The following SETBP1 variants were observed in gnomAD, a reference collection of about 807,000 sequenced individuals.
The protein encoded by SETBP1 is SET-binding protein.
Under a neutral mutation model 101.0 loss-of-function variants are expected in SETBP1, and 9 were observed. That is an observed-to-expected ratio of 0.09 (90% confidence interval 0.05 to 0.16). The LOEUF (loss-of-function observed/expected upper bound fraction) is 0.16, where lower values mean the gene tolerates loss of function less well. Among genes scored for constraint, SETBP1 ranks in the 10% least tolerant of loss-of-function variants. SETBP1 has a pLI of 1.00. For synonymous variants in SETBP1, 818 were observed against 788.5 expected (o/e 1.04, Z -0.63); for missense variants, 1,858 against 2,033.8 (o/e 0.91, Z 1.66).
rs374732311 is a variant in SETBP1 at position 44,829,272 on chromosome 18, G to A, written c.487-39958G>A. 9.0e-4 allele frequency among the ~76,000 whole-genome samples: 137 copies of A among 152,248 alleles called. 2 individuals are homozygous for A. In the South Asian group the frequency reaches 0.014, roughly 16 times the overall value. ...ACCTTCTTGTTTCTCAAGATTGCAA[G>A]CTCAGAACATCGTATACATGTTACT... On this transcript the variant is annotated intron_variant, in intron 2 of 5. Coordinates refer to ENST00000649279, the MANE Select transcript of SETBP1 (RefSeq NM_015559.3).
intron 2 of SETBP1, among the ~76,000 whole-genome samples, chr18:44,857,770 C>T (rs1365180530): frequency 1.3e-5 from 2 of 152,064 alleles, no homozygotes; most frequent in East Asian, 1.9e-4. Context: ...GTCAAGCATA[C>T]GTGTGAGTTC....
intron 2 of SETBP1, among the ~76,000 whole-genome samples, chr18:44,843,036 G>A (rs1331596852): frequency 6.6e-6 from 1 of 152,258 alleles, no homozygotes; most frequent in Non-Finnish European, 1.5e-5. Flanking sequence ...TAGCAGCCAG[G>A]CCGCTCAGCC....
intron 2 of SETBP1, among the ~76,000 whole-genome samples, chr18:44,763,907 C>T (rs879814498): frequency 6.6e-6 from 1 of 152,166 alleles, no homozygotes; most frequent in Non-Finnish European, 1.5e-5. Context: ...GCTCAGTTCT[C>T]CACCCTCTTC....
intron 2 of SETBP1, among the ~76,000 whole-genome samples, chr18:44,705,306 C>CTT (rs1160617986): frequency 6.6e-6 from 1 of 152,136 alleles, no homozygotes; most frequent in Non-Finnish European, 1.5e-5. Context: ...ACTCTGACTG[C>CTT]TTTTTCTTAT....
At chr18:44,892,366 T>C (rs935891060) in intron 3 of SETBP1, among the ~76,000 whole-genome samples, 1 of 152,184 alleles carries the variant, frequency 6.6e-6, no homozygotes, top group Non-Finnish European at 1.5e-5. Flanking sequence ...AAATGTGTTT[T>C]TGAGGACTTA....
chr18:44,955,041 C>G (rs1443803058), intron 4 of SETBP1, among the ~76,000 whole-genome samples: 2 of 152,170 alleles, frequency 1.3e-5, no homozygotes, highest in East Asian at 3.8e-4. Context: ...CCTAACTTAA[C>G]AGACCCAAGG....
In SETBP1 at chr18:45,063,931, C is replaced by T; in HGVS notation, c.*233C>T. 2.0e-6 allele frequency: 1 copy of T among 490,760 alleles called. No individual in the cohort carries two copies. Among genetic ancestry groups the T allele is most frequent in the African/African-American group, 2.0e-5 (1 of 50,184 alleles). 30.4% of individuals were successfully genotyped at this position (490,760 alleles called of 1,614,324 possible). A position where few individuals can be genotyped will look rare whatever the true frequency, so the allele number is the denominator to read the frequency against. On this transcript the variant is annotated 3_prime_UTR_variant, in exon 6 of 6. Coordinates refer to ENST00000649279, the MANE Select transcript of SETBP1 (RefSeq NM_015559.3). Reference sequence around the variant, plus strand: ...GTCTGAGCTTCACCGCAGCTCCCACCACGCGGCGCTTCAGTACGGCTGGAT... The same window carrying T: ...GTCTGAGCTTCACCGCAGCTCCCACTACGCGGCGCTTCAGTACGGCTGGAT...
At chr18:44,869,111 G>T in intron 2 of SETBP1, 119 bp from the exon 3 acceptor site, 6 of 895,528 alleles carry the variant, frequency 6.7e-6, no homozygotes, top group Non-Finnish European at 9.2e-6. Context: ...TGCCTTCTGC[G>T]ATCCCACTTC....
At chr18:44,811,454 G>A (rs2071860929) in intron 2 of SETBP1, among the ~76,000 whole-genome samples, 1 of 152,218 alleles carries the variant, frequency 6.6e-6, no homozygotes. Flanking sequence ...ATTACAGGTT[G>A]GCAAATTGTT....
chr18:44,993,974 A>C (rs1262284820), intron 4 of SETBP1, among the ~76,000 whole-genome samples: 1 of 152,116 alleles, frequency 6.6e-6, no homozygotes, highest in Non-Finnish European at 1.5e-5. Flanking sequence ...AGTATTCTTA[A>C]GACAAAAAGG....
intron 2 of SETBP1, chr18:44,733,318 G>C (rs2069880828): frequency 6.6e-6 from 1 of 152,218 alleles, no homozygotes; most frequent in African/African-American, 2.4e-5. Flanking sequence ...GGCTCTGACG[G>C]CTCAAATAAC....
intron 2 of SETBP1, among the ~76,000 whole-genome samples, chr18:44,770,305 A>G (rs1212528439): frequency 1.3e-5 from 2 of 152,210 alleles, no homozygotes; most frequent in Non-Finnish European, 2.9e-5. Context: ...GGAGCCTGGA[A>G]GAAAACAGCA....
chr18:45,044,383 C>T (rs977363754), intron 5 of SETBP1, among the ~76,000 whole-genome samples: 11 of 152,154 alleles, frequency 7.2e-5, no homozygotes, highest in African/African-American at 2.7e-4. Flanking sequence ...GCCCGTTTGT[C>T]CTGAAAGCTG....
At chr18:44,943,862 T>G in intron 3 of SETBP1, among the ~76,000 whole-genome samples, 1 of 147,460 alleles carries the variant, frequency 6.8e-6, no homozygotes. Flanking sequence ...TGAGACAGAG[T>G]CTCTCTCTGT....
intron 3 of SETBP1, among the ~76,000 whole-genome samples, chr18:44,929,632 C>T (rs2070781711): frequency 6.6e-6 from 1 of 152,072 alleles, no homozygotes; most frequent in East Asian, 1.9e-4. Flanking sequence ...TTGTAGTTCT[C>T]CTTGAAGAGG....
chr18:44,982,886 C>T (rs906449664), intron 4 of SETBP1, among the ~76,000 whole-genome samples: 9 of 152,128 alleles, frequency 5.9e-5, no homozygotes, highest in Non-Finnish European at 1.2e-4. Context: ...TGAGGGCAGC[C>T]GTGTTTCTAT....
Position 44,952,213 on chromosome 18 carries a change from A to G in SETBP1, c.2873A>G (p.Glu958Gly), listed in dbSNP as rs748289164. Reference sequence around the variant, plus strand: ...GACCTCCAGTTTCTGGCAGACCTGGAGGAGCTAATCACCAAGTTCCAAGTG... The same window carrying G: ...GACCTCCAGTTTCTGGCAGACCTGGGGGAGCTAATCACCAAGTTCCAAGTG... The part of the protein sequence containing the change: ...RDDLQFLADL[E>G]ELITKFQVFR... Residue 958 changes from glutamate (E) to glycine (G), a missense_variant, in exon 4 of 6, where the codon GAG becomes GGG. Glu to Gly is a moderately conservative substitution (Grantham distance 98). This residue lies in a region of SETBP1 where 255 missense variants were observed against 300.1 expected (regional missense o/e 0.85). Transcript: ENST00000649279. The G allele has an allele frequency of 4.1e-5, 66 of 1,614,170 alleles. No homozygotes were observed. The East Asian group carries it at 1.2e-3, about 31-fold the overall frequency.
At chr18:44,717,880 A>C (rs986107339) in intron 2 of SETBP1, among the ~76,000 whole-genome samples, 2 of 151,820 alleles carry the variant, frequency 1.3e-5, no homozygotes, top group African/African-American at 4.8e-5. Context: ...AGGACATAGA[A>C]TTTTTCTAGA....
chr18:45,047,054 C>T (rs1050528531), intron 5 of SETBP1, among the ~76,000 whole-genome samples: 9 of 152,156 alleles, frequency 5.9e-5, no homozygotes, highest in Non-Finnish European at 1.2e-4. Context: ...ATGCTTCATA[C>T]AGATTATGCT....
Sources: allele counts gnomAD v4.1 joint callset (sites outside exome capture counted in the v4.1 genomes callset), GRCh38; gene constraint gnomAD v4.1.1; regional missense constraint gnomAD v4.1.1; transcripts MANE v1.5; gene names NCBI Gene and HGNC (gene_info 2026-07-23, HGNC 2026-07-21).